The following RPRD1B variants were observed in gnomAD, a reference collection of about 807,000 sequenced individuals.
RPRD1B encodes the protein regulation of nuclear pre-mRNA domain-containing protein 1B.
In RPRD1B, 11 loss-of-function variants were observed where a neutral mutation model predicts 41.5. The observed-to-expected ratio is 0.27, with a 90% CI of 0.17 to 0.44. The LOEUF (loss-of-function observed/expected upper bound fraction) is 0.44. Among genes scored for constraint, RPRD1B ranks in the 20% least tolerant of loss-of-function variants. The pLI is 1.00. For missense variants in RPRD1B, 248 were observed against 389.9 expected, an observed-to-expected ratio of 0.64 and a Z score of 3.06; for synonymous variants, 158 against 155.6, an observed-to-expected ratio of 1.02 and a Z score of -0.12.
intron 1 of RPRD1B, among the ~76,000 whole-genome samples, chr20:38,036,257 G>A (rs1034049834): frequency 5.3e-5 from 8 of 152,152 alleles, no homozygotes; most frequent in Admixed American, 2.6e-4. Flanking sequence ...AGGTATAGAG[G>A]GATTAAGTGC....
intron 5 of RPRD1B, among the ~76,000 whole-genome samples, chr20:38,060,611 A>C (rs941430306): frequency 6.6e-6 from 1 of 152,186 alleles, no homozygotes; most frequent in African/African-American, 2.4e-5. Flanking sequence ...ATCCAAGGGA[A>C]GGAAGGGCCA....
chr20:38,088,126 C>T (rs1568665309), intron 6 of RPRD1B, among the ~76,000 whole-genome samples: 1 of 152,212 alleles, frequency 6.6e-6, no homozygotes, highest in East Asian at 1.9e-4. Flanking sequence ...GAGGAGCTCT[C>T]ATTGCGGGTG....
In RPRD1B at chr20:38,090,216, A is replaced by G; in HGVS notation, c.*341A>G. 9.9e-7 allele frequency: 1 copy of G among 1,008,434 alleles called. No homozygotes were observed. The highest frequency in any genetic ancestry group is 1.2e-6 in the Non-Finnish European group (1 of 844,638). The allele number at this position is 1,008,434 out of a possible 1,614,324, so 62.5% of individuals were successfully genotyped here. A position where few individuals can be genotyped will look rare whatever the true frequency, so the allele number is the denominator to read the frequency against. On this transcript the variant is annotated 3_prime_UTR_variant, in exon 7 of 7. Transcript: ENST00000373433. The stretch of plus-strand genomic sequence containing the variant: ...ATGTGTACTTCTGGAAGCTTTCGAA[A>G]GAATCTTGTCCCTCATGACAGCATT...
intron 6 of RPRD1B, among the ~76,000 whole-genome samples, chr20:38,077,020 C>T (rs2074469078): frequency 7.0e-6 from 1 of 142,712 alleles, no homozygotes. Context: ...TGACTTCAAG[C>T]AATTCTTCTG....
chr20:38,069,588 C>T (rs554467268), intron 6 of RPRD1B, among the ~76,000 whole-genome samples: 7 of 152,264 alleles, frequency 4.6e-5, no homozygotes, highest in African/African-American at 1.2e-4. Context: ...TAAGAAGCTA[C>T]GTATTCATTC....
chr20:38,035,517 C>A (rs777677292), intron 1 of RPRD1B, among the ~76,000 whole-genome samples: 3 of 152,198 alleles, frequency 2.0e-5, no homozygotes, highest in Non-Finnish European at 4.4e-5. Flanking sequence ...TCAGGAGACC[C>A]AGTTCTAGCC....
intron 2 of RPRD1B, among the ~76,000 whole-genome samples, chr20:38,044,609 T>C (rs1300551935): frequency 2.0e-5 from 3 of 152,090 alleles, no homozygotes; most frequent in Non-Finnish European, 4.4e-5. Context: ...CTCCTGACCT[T>C]GTGATCTGCC....
chr20:38,049,891 A>G, intron 3 of RPRD1B: 1 of 469,576 alleles, frequency 2.1e-6, no homozygotes, highest in Non-Finnish European at 4.4e-6. Context: ...TTCCTCACTT[A>G]CACTGTATTC....
chr20:38,058,116 A>T (rs1600409446), intron 4 of RPRD1B, among the ~76,000 whole-genome samples: 1 of 152,150 alleles, frequency 6.6e-6, no homozygotes, highest in Non-Finnish European at 1.5e-5. Flanking sequence ...TGTTTGTGTT[A>T]TTTGGCTATA....
At chr20:38,081,897 A>G (rs536750765) in intron 6 of RPRD1B, among the ~76,000 whole-genome samples, 1 of 152,322 alleles carries the variant, frequency 6.6e-6, no homozygotes, top group Middle Eastern at 3.4e-3. Context: ...CCTTGATTCA[A>G]CAAATAAAGC....
At chr20:38,064,179 C>T (rs771154844) in intron 5 of RPRD1B, among the ~76,000 whole-genome samples, 3 of 152,160 alleles carry the variant, frequency 2.0e-5, no homozygotes, top group Non-Finnish European at 4.4e-5. Flanking sequence ...GATCTCTTTC[C>T]TTTGTGTTCC....
At chr20:38,072,184 T>C (rs2074419523) in intron 6 of RPRD1B, among the ~76,000 whole-genome samples, 1 of 152,210 alleles carries the variant, frequency 6.6e-6, no homozygotes. Flanking sequence ...TTTGAGTTAG[T>C]TTTTGTATGT....
chr20:38,068,462 A>G (rs1160381242), intron 6 of RPRD1B, among the ~76,000 whole-genome samples: 1 of 152,194 alleles, frequency 6.6e-6, no homozygotes, highest in Non-Finnish European at 1.5e-5. Context: ...ACGTGATCTC[A>G]GCTCACTGCA....
At chr20:38,052,742 C>G (rs1449200967) in intron 3 of RPRD1B, among the ~76,000 whole-genome samples, 1 of 144,176 alleles carries the variant, frequency 6.9e-6, no homozygotes, top group Non-Finnish European at 1.5e-5. Context: ...GCACTCGGAC[C>G]AAACGCGGTG....
At chr20:38,045,740 G>C (rs752205991) in intron 2 of RPRD1B, among the ~76,000 whole-genome samples, 23 of 152,150 alleles carry the variant, frequency 1.5e-4, no homozygotes, top group Non-Finnish European at 2.5e-4. Context: ...ATTTATTCTC[G>C]AGACTGGTTT....
In RPRD1B at chr20:38,089,945, A is replaced by G; in HGVS notation, c.*70A>G. 6.4e-7 allele frequency: 1 copy of G among 1,572,820 alleles called. No individual in the cohort carries two copies. Among genetic ancestry groups the G allele is most frequent in the East Asian group, 2.2e-5 (1 of 44,534 alleles). Reference sequence around the variant, plus strand: ...AGAGGGCAAGTCATGGTTGGAAATAACCTTCTAGCCCCTGGTTCTATCCCT... The same window carrying G: ...AGAGGGCAAGTCATGGTTGGAAATAGCCTTCTAGCCCCTGGTTCTATCCCT... On this transcript the variant is annotated 3_prime_UTR_variant, in exon 7 of 7. Transcript: ENST00000373433.
intron 4 of RPRD1B, among the ~76,000 whole-genome samples, chr20:38,058,717 T>G (rs2074268255): frequency 6.6e-6 from 1 of 152,180 alleles, no homozygotes; most frequent in African/African-American, 2.4e-5. Context: ...TTTTTCCTTC[T>G]CCTTCTTGAG....
chr20:38,083,696 C>T (rs896509717), intron 6 of RPRD1B, among the ~76,000 whole-genome samples: 16 of 152,140 alleles, frequency 1.1e-4, no homozygotes, highest in Non-Finnish European at 2.1e-4. Flanking sequence ...GGCATTTTGT[C>T]GTTTTTCCTT....
chr20:38,087,521 T>C (rs2074573207), intron 6 of RPRD1B, among the ~76,000 whole-genome samples: 1 of 152,184 alleles, frequency 6.6e-6, no homozygotes, highest in South Asian at 2.1e-4. Flanking sequence ...CGAGGTGGCT[T>C]TGATTTGTCA....
Sources: gnomAD v4.1 joint callset for allele counts (sites outside exome capture counted in the v4.1 genomes callset) on GRCh38, gnomAD v4.1.1 for gene constraint, MANE v1.5 for transcripts, NCBI Gene and HGNC (gene_info 2026-07-23, HGNC 2026-07-21) for gene names.